The following RBFOX1 variants were observed in gnomAD, a reference collection of about 807,000 sequenced individuals.
RBFOX1 encodes the protein RNA binding fox-1 homolog 1, also known as RNA binding protein fox-1 homolog 1.
Under a neutral mutation model 57.7 loss-of-function variants are expected in RBFOX1, and 8 were observed. The observed-to-expected ratio is 0.14, with a 90% CI of 0.08 to 0.25. RBFOX1 has a LOEUF of 0.25. Among genes scored for constraint, RBFOX1 ranks in the 10% least tolerant of loss-of-function variants. The pLI is 1.00. For synonymous variants in RBFOX1, 326 were observed against 222.4 expected (o/e 1.47, Z -4.15); for missense variants, 611 against 548.5 (o/e 1.11, Z -1.14).
chr16:5,488,434 G>A, intron 2 of RBFOX1, among the ~76,000 whole-genome samples: 1 of 135,786 alleles, frequency 7.4e-6, no homozygotes, highest in East Asian at 2.0e-4. Context: ...GGATTATGGT[G>A]ATGATGATGG....
rs147648335 is a variant in RBFOX1 at position 5,377,005 on chromosome 16, C to A, written c.220-90211C>A. On this transcript the variant is annotated intron_variant, in intron 1 of 2. Transcript: ENST00000585867. The stretch of plus-strand genomic sequence containing the variant: ...AGGGGCTTACCTGCTAAATAAACTA[C>A]CTGTACTCGAATCTTCATCTCAGGA... Among the ~76,000 whole-genome samples the A allele has an allele frequency of 5.7e-3, 865 of 151,104 alleles. 42 individuals are homozygous for A. The highest frequency in any genetic ancestry group is 0.02 in the African/African-American group (813 of 40,646).
Position 5,397,527 on chromosome 16 carries a change from A to T in RBFOX1, c.220-69689A>T, listed in dbSNP as rs576424911. On this transcript the variant is annotated intron_variant, in intron 1 of 2. Coordinates refer to the RBFOX1 transcript ENST00000585867. ...GCAACCCCATTCCCCTCTGTACCAC[A>T]TTACAGGGCCCTGCTAAAGACACTG... 3.9e-5 allele frequency among the ~76,000 whole-genome samples: 6 copies of T among 152,342 alleles called. No individual in the cohort carries two copies. In the South Asian group the frequency reaches 1.2e-3, roughly 32 times the overall value.
chr16:7,158,182 A>G (rs1336814517), intron 4 of RBFOX1, among the ~76,000 whole-genome samples: 1 of 151,958 alleles, frequency 6.6e-6, no homozygotes, highest in East Asian at 1.9e-4. Context: ...CCCTGTCTCT[A>G]TAAAAATACA....
At chr16:5,503,534 C>G (rs909407333) in intron 2 of RBFOX1, among the ~76,000 whole-genome samples, 1 of 152,204 alleles carries the variant, frequency 6.6e-6, no homozygotes, top group Admixed American at 6.5e-5. Flanking sequence ...GCCTCTACCT[C>G]CTGGGTTCAA....
intron 4 of RBFOX1, among the ~76,000 whole-genome samples, chr16:7,166,300 C>T (rs113231181): frequency 2.6e-5 from 4 of 152,224 alleles, no homozygotes; most frequent in Non-Finnish European, 4.4e-5. Context: ...AGGCGTGAAC[C>T]ACCGCACCCG....
chr16:6,118,575 C>T (rs1012618141), intron 1 of RBFOX1, among the ~76,000 whole-genome samples: 6 of 151,826 alleles, frequency 4.0e-5, no homozygotes, highest in Non-Finnish European at 8.8e-5. Flanking sequence ...CTTTCTCTTT[C>T]TCTCTCTCCT....
intron 3 of RBFOX1, among the ~76,000 whole-genome samples, chr16:6,929,053 G>A (rs994194534): frequency 2.0e-5 from 3 of 152,138 alleles, no homozygotes; most frequent in Admixed American, 6.5e-5. Context: ...TTAGGAAGAC[G>A]CCAGGAAAAC....
At chr16:6,719,736 G>A (rs191008211) in intron 3 of RBFOX1, among the ~76,000 whole-genome samples, 58 of 151,952 alleles carry the variant, frequency 3.8e-4, no homozygotes, top group South Asian at 6.2e-4. Context: ...GTGAGCCACC[G>A]CACTTGGCCA....
rs117621863 is a variant in RBFOX1 at position 7,629,937 on chromosome 16, C to G, written c.677-666C>G. Among the ~76,000 whole-genome samples, 175 of 152,234 alleles carry G rather than the reference C, an allele frequency of 1.1e-3. 2 individuals are homozygous for G. The South Asian group carries it at 0.026, about 23-fold the overall frequency. ...CTCTCATCCAGTGTCCAGTGTGGGT[C>G]CAGGGTGGGTCCCAGGGATGGCAAA... On this transcript the variant is annotated intron_variant, in intron 10 of 15. Transcript: ENST00000550418.
chr16:5,718,002 A>G (rs2051781951), intron 3 of RBFOX1, among the ~76,000 whole-genome samples: 1 of 152,114 alleles, frequency 6.6e-6, no homozygotes, highest in African/African-American at 2.4e-5. Flanking sequence ...CTTTCTCATG[A>G]CCTCATGATG....
At chr16:6,911,783 T>C (rs8048076) in intron 3 of RBFOX1, among the ~76,000 whole-genome samples, 106,309 of 152,102 alleles carry the variant, frequency 0.7, 37,784 homozygotes, top group East Asian at 0.93. Flanking sequence ...TTTCCACTTA[T>C]AGAAGAGATC....
At chr16:6,597,663 A>G (rs1391874796) in intron 2 of RBFOX1, among the ~76,000 whole-genome samples, 1 of 151,920 alleles carries the variant, frequency 6.6e-6, no homozygotes, top group Non-Finnish European at 1.5e-5. Flanking sequence ...TGAGAGCAAG[A>G]CTCCATCTCA....
chr16:6,786,945 T>TA (rs1388917883), intron 3 of RBFOX1, among the ~76,000 whole-genome samples: 1 of 152,090 alleles, frequency 6.6e-6, no homozygotes, highest in Non-Finnish European at 1.5e-5. Flanking sequence ...AGGGACCTTA[T>TA]CTGAAAGTGT....
chr16:6,636,798 T>TTA, intron 2 of RBFOX1, among the ~76,000 whole-genome samples: 1 of 4,720 alleles, frequency 2.1e-4, no homozygotes, highest in African/African-American at 2.7e-4. Flanking sequence ...ATAATATATG[T>TTA]TATATATAAT....
At chr16:6,977,270 A>G (rs1035160269) in intron 3 of RBFOX1, among the ~76,000 whole-genome samples, 2 of 151,120 alleles carry the variant, frequency 1.3e-5, no homozygotes, top group Admixed American at 1.3e-4. Context: ...GCTCTGCTAC[A>G]AGGGTTTGTG....
chr16:7,382,392 A>G (rs181241154), intron 4 of RBFOX1, among the ~76,000 whole-genome samples: 2 of 152,222 alleles, frequency 1.3e-5, no homozygotes, highest in Admixed American at 6.5e-5. Flanking sequence ...TATTTTTCAT[A>G]TCTTTTCTAG....
intron 3 of RBFOX1, among the ~76,000 whole-genome samples, chr16:5,660,860 G>A (rs1275289637): frequency 6.6e-6 from 1 of 152,154 alleles, no homozygotes; most frequent in African/African-American, 2.4e-5. Context: ...AGGATTCTGA[G>A]CTGGCTTTCC....
At chr16:5,955,476 A>G (rs1365160091) in intron 4 of RBFOX1, among the ~76,000 whole-genome samples, 1 of 152,100 alleles carries the variant, frequency 6.6e-6, no homozygotes, top group African/African-American at 2.4e-5. Flanking sequence ...TATGGAAACC[A>G]GGCAAGACAT....
chr16:7,420,441 G>T (rs1238100371), intron 4 of RBFOX1, among the ~76,000 whole-genome samples: 1 of 152,208 alleles, frequency 6.6e-6, no homozygotes, highest in Admixed American at 6.5e-5. Context: ...AGCAGCTTTT[G>T]TGAAGGACTC....
Sources: gnomAD v4.1 joint callset for allele counts (sites outside exome capture counted in the v4.1 genomes callset) on GRCh38, gnomAD v4.1.1 for gene constraint, MANE v1.5 for transcripts, NCBI Gene and HGNC (gene_info 2026-07-23, HGNC 2026-07-21) for gene names.